SPAG16: variants seen among roughly 807,000 people sequenced by gnomAD.
The protein encoded by SPAG16 is sperm associated antigen 16, also known as sperm-associated antigen 16 protein.
In SPAG16, 86 loss-of-function variants were observed where a neutral mutation model predicts 80.4. That is an observed-to-expected ratio of 1.07 (90% confidence interval 0.90 to 1.28). The LOEUF (loss-of-function observed/expected upper bound fraction) is 1.28, where lower values mean the gene tolerates loss of function less well. Among genes scored for constraint, SPAG16 ranks in the 50% most tolerant of loss-of-function variants. SPAG16 has a pLI of 0.00. For synonymous variants in SPAG16, 294 were observed against 265.9 expected (o/e 1.11, Z -1.03); for missense variants, 870 against 765.3 (o/e 1.14, Z -1.61).
intron 10 of SPAG16, among the ~76,000 whole-genome samples, chr2:213,540,343 C>G (rs1334240242): frequency 6.6e-6 from 1 of 152,098 alleles, no homozygotes; most frequent in Non-Finnish European, 1.5e-5. Context: ...AGCCACCATG[C>G]CCGGCCCAAA....
intron 12 of SPAG16, among the ~76,000 whole-genome samples, chr2:213,996,535 T>A (rs2046523992): frequency 6.6e-6 from 1 of 151,406 alleles, no homozygotes; most frequent in Non-Finnish European, 1.5e-5. Flanking sequence ...GATAGTAAAG[T>A]AATGAGGAAG....
intron 8 of SPAG16, 70 bp downstream of exon 8, chr2:213,364,215 A>C: frequency 1.1e-6 from 1 of 897,048 alleles, no homozygotes; most frequent in South Asian, 2.6e-5. Context: ...TCAGTGATTA[A>C]TATTCTAGAG....
chr2:214,257,804 A>G (rs1367901959), intron 15 of SPAG16, among the ~76,000 whole-genome samples: 1 of 152,070 alleles, frequency 6.6e-6, no homozygotes, highest in Non-Finnish European at 1.5e-5. Flanking sequence ...ATGTTGTATT[A>G]ATGGTATTGT....
intron 9 of SPAG16, among the ~76,000 whole-genome samples, chr2:213,405,547 A>G (rs371774164): frequency 4.3e-4 from 65 of 152,300 alleles, no homozygotes; most frequent in South Asian, 1.2e-3. Context: ...TAGTTGCCCT[A>G]TGGTGCTCTC....
chr2:213,368,891 C>G (rs2066476112), intron 8 of SPAG16, among the ~76,000 whole-genome samples: 1 of 152,150 alleles, frequency 6.6e-6, no homozygotes, highest in South Asian at 2.1e-4. Context: ...GAACTACAAA[C>G]CACTGCTCAA....
intron 15 of SPAG16, among the ~76,000 whole-genome samples, chr2:214,341,699 G>A (rs1037861990): frequency 3.9e-5 from 6 of 152,148 alleles, no homozygotes; most frequent in Non-Finnish European, 8.8e-5. Flanking sequence ...CAACCCTGAA[G>A]CAATATCAGG....
chr2:214,378,888 T>C (rs560105585), intron 15 of SPAG16, among the ~76,000 whole-genome samples: 1 of 152,272 alleles, frequency 6.6e-6, no homozygotes, highest in East Asian at 1.9e-4. Flanking sequence ...ATAAGGACAG[T>C]TGTATAATGG....
chr2:213,326,397 G>GA, intron 5 of SPAG16, among the ~76,000 whole-genome samples: 2 of 152,076 alleles, frequency 1.3e-5, no homozygotes, highest in South Asian at 4.2e-4. Context: ...CAAACACTGT[G>GA]AAAATAAAGA....
chr2:213,912,264 A>G (rs928530635), intron 11 of SPAG16, among the ~76,000 whole-genome samples: 10 of 152,182 alleles, frequency 6.6e-5, no homozygotes, highest in African/African-American at 1.9e-4. Context: ...TATAAATGTT[A>G]TGAATAGTTA....
intron 13 of SPAG16, among the ~76,000 whole-genome samples, chr2:214,021,356 A>G (rs1244859947): frequency 2.0e-5 from 3 of 152,206 alleles, no homozygotes; most frequent in Non-Finnish European, 4.4e-5. Flanking sequence ...TTGGACTCAC[A>G]GTTTCAGGTG....
intron 11 of SPAG16, among the ~76,000 whole-genome samples, chr2:213,887,602 C>T (rs1217393405): frequency 6.6e-6 from 1 of 151,608 alleles, no homozygotes; most frequent in Non-Finnish European, 1.5e-5. Flanking sequence ...TCAAAACTTT[C>T]TGCAGTTTAA....
intron 10 of SPAG16, among the ~76,000 whole-genome samples, chr2:213,728,993 T>C (rs1419366481): frequency 1.3e-5 from 2 of 148,938 alleles, no homozygotes; most frequent in East Asian, 4.0e-4. Flanking sequence ...CTGGAAAATG[T>C]CCCAAACTAT....
chr2:213,978,321 T>C (rs1293679943), intron 12 of SPAG16, among the ~76,000 whole-genome samples: 2 of 152,118 alleles, frequency 1.3e-5, no homozygotes, highest in African/African-American at 2.4e-5. Context: ...ACAGGTTTGT[T>C]GGACATTTTG....
At chr2:213,771,090 T>C (rs1305641797) in intron 10 of SPAG16, among the ~76,000 whole-genome samples, 1 of 152,112 alleles carries the variant, frequency 6.6e-6, no homozygotes, top group Non-Finnish European at 1.5e-5. Flanking sequence ...AAAGTAAAAG[T>C]GTTCCTATTT....
At chr2:213,470,907 C>T (rs2073041683) in intron 9 of SPAG16, among the ~76,000 whole-genome samples, 1 of 152,236 alleles carries the variant, frequency 6.6e-6, no homozygotes, top group African/African-American at 2.4e-5. Flanking sequence ...TTCTTTGTCA[C>T]CAATTTTCCA....
chr2:213,927,604 T>A (rs893334866), intron 11 of SPAG16, among the ~76,000 whole-genome samples: 2 of 152,336 alleles, frequency 1.3e-5, no homozygotes, highest in African/African-American at 4.8e-5. Context: ...TATTAAAAAC[T>A]TATGGGAATA....
intron 15 of SPAG16, among the ~76,000 whole-genome samples, chr2:214,198,387 G>A (rs2057907672): frequency 6.6e-6 from 1 of 152,020 alleles, no homozygotes; most frequent in African/African-American, 2.4e-5. Context: ...ACTTCACTTA[G>A]AATAATGGCC....
At chr2:213,468,418 CAG>C (rs1468604047) in intron 9 of SPAG16, among the ~76,000 whole-genome samples, 1 of 136,844 alleles carries the variant, frequency 7.3e-6, no homozygotes, top group African/African-American at 2.8e-5. Context: ...TATTTATGTA[CAG>C]ATATATATAT....
intron 5 of SPAG16, chr2:213,317,873 G>A (rs1431954962): frequency 3.4e-6 from 1 of 290,732 alleles, no homozygotes; most frequent in Non-Finnish European, 5.1e-6. Context: ...GGAAGGCTGT[G>A]CATGTGTGGG....
Sources: gnomAD v4.1 joint callset for allele counts (sites outside exome capture counted in the v4.1 genomes callset) on GRCh38, gnomAD v4.1.1 for gene constraint, MANE v1.5 for transcripts, NCBI Gene and HGNC (gene_info 2026-07-23, HGNC 2026-07-21) for gene names.